The following OXSR1 variants were observed in gnomAD, a reference collection of about 807,000 sequenced individuals.
OXSR1 encodes the protein serine/threonine-protein kinase OSR1.
A neutral mutation model predicts 79.8 loss-of-function variants in OXSR1; 24 were observed. The observed-to-expected ratio is 0.30, with a 90% CI of 0.22 to 0.42. OXSR1 has a LOEUF of 0.42. Among genes scored for constraint, OXSR1 ranks in the 10% least tolerant of loss-of-function variants. OXSR1 has a pLI of 1.00. For missense variants in OXSR1, 430 were observed against 618.4 expected (o/e 0.70, Z 3.23); for synonymous variants, 226 against 209.2 (o/e 1.08, Z -0.69).
intron 8 of OXSR1, among the ~76,000 whole-genome samples, chr3:38,226,893 T>C (rs907643778): frequency 1.3e-5 from 2 of 151,864 alleles, no homozygotes; most frequent in Non-Finnish European, 2.9e-5. Flanking sequence ...ATGAAGTCTG[T>C]AGTTTAGTTA....
At chr3:38,197,582 T>A (rs1000950835) in intron 3 of OXSR1, among the ~76,000 whole-genome samples, 4 of 152,218 alleles carry the variant, frequency 2.6e-5, no homozygotes, top group African/African-American at 9.6e-5. Flanking sequence ...TCCAGAATAT[T>A]GTTGCCATCT....
intron 8 of OXSR1, 188 bp downstream of exon 8, chr3:38,224,892 AC>A (rs796396872): frequency 1.2e-4 from 44 of 363,468 alleles, no homozygotes; most frequent in African/African-American, 9.3e-4. Flanking sequence ...TATACAGTGT[AC>A]CCTAAATAGT....
chr3:38,215,109 T>A (rs1474242659), intron 4 of OXSR1, among the ~76,000 whole-genome samples: 1 of 152,202 alleles, frequency 6.6e-6, no homozygotes, highest in Admixed American at 6.5e-5. Context: ...AAAAATTGCA[T>A]TTGGCAAGGG....
chr3:38,198,365 T>G (rs577318189), intron 3 of OXSR1, among the ~76,000 whole-genome samples: 2 of 152,306 alleles, frequency 1.3e-5, no homozygotes, highest in East Asian at 3.9e-4. Flanking sequence ...GTGCATATTC[T>G]AATCTGATCT....
At chr3:38,182,673 GC>G (rs1289224203) in intron 1 of OXSR1, among the ~76,000 whole-genome samples, 4 of 152,130 alleles carry the variant, frequency 2.6e-5, no homozygotes, top group African/African-American at 7.2e-5. Flanking sequence ...ACCTTTCAGA[GC>G]CCTCTTATGA....
intron 5 of OXSR1, among the ~76,000 whole-genome samples, chr3:38,216,899 T>C (rs1175674739): frequency 6.6e-6 from 1 of 152,130 alleles, no homozygotes; most frequent in Non-Finnish European, 1.5e-5. Context: ...AGCTCTAATA[T>C]AAAGGGAAAG....
At chr3:38,210,930 C>T (rs1702373981) in intron 4 of OXSR1, among the ~76,000 whole-genome samples, 2 of 152,150 alleles carry the variant, frequency 1.3e-5, no homozygotes, top group Admixed American at 1.3e-4. Flanking sequence ...CTCTTGATGT[C>T]CTGTTTATTA....
Position 38,242,728 on chromosome 3 carries a change from T to A in OXSR1, c.1075-15T>A. ...AGTTGTGAGTTAACAATCATCCTTTTTGTATTTCGTTTAGTCTCCCCGAGT... is the reference window on the plus strand; with the variant it reads ...AGTTGTGAGTTAACAATCATCCTTTATGTATTTCGTTTAGTCTCCCCGAGT... On this transcript the variant is annotated splice_polypyrimidine_tract_variant and intron_variant, in intron 11 of 17. Coordinates refer to ENST00000311806, the MANE Select transcript of OXSR1 (RefSeq NM_005109.3). 1 of 1,530,646 alleles carries A rather than the reference T, an allele frequency of 6.5e-7. No homozygotes were observed. 94.8% of individuals were successfully genotyped at this position (1,530,646 alleles called of 1,614,324 possible). A position where few individuals can be genotyped will look rare whatever the true frequency, so the allele number is the denominator to read the frequency against.
chr3:38,195,891 C>A (rs72867234), intron 3 of OXSR1, among the ~76,000 whole-genome samples: 355 of 152,274 alleles, frequency 2.3e-3, no homozygotes, highest in African/African-American at 7.3e-3. Context: ...TGCTTTGTTA[C>A]AAAATTTGTA....
chr3:38,210,330 G>T (rs762842460), intron 4 of OXSR1, among the ~76,000 whole-genome samples: 1 of 152,100 alleles, frequency 6.6e-6, no homozygotes, highest in African/African-American at 2.4e-5. Context: ...TTCCCTTCCC[G>T]TAGATGGGTT....
At position 38,240,930 on chromosome 3, in the gene OXSR1, T is replaced by C. The variant is rs192286382; in HGVS notation, c.1075-1813T>C. On this transcript the variant is annotated intron_variant, in intron 11 of 17. Coordinates refer to ENST00000311806, the MANE Select transcript of OXSR1 (RefSeq NM_005109.3). ...GCTACCAAGTGCTGACCAGTAAATA[T>C]GGACGAGTGTTGGAGATGGAAAATC... is the stretch of plus-strand genomic sequence containing the variant. Among the ~76,000 whole-genome samples, 45 of 152,294 alleles carry C rather than the reference T, an allele frequency of 3.0e-4. 1 individual carries two copies. In the East Asian group the frequency reaches 8.3e-3, roughly 28 times the overall value.
chr3:38,197,037 C>T (rs1241984911), intron 3 of OXSR1, among the ~76,000 whole-genome samples: 1 of 152,166 alleles, frequency 6.6e-6, no homozygotes, highest in Admixed American at 6.5e-5. Flanking sequence ...CTTATGTGGC[C>T]TGGATTTCCT....
At chr3:38,201,877 A>T (rs933643135) in intron 4 of OXSR1, among the ~76,000 whole-genome samples, 1 of 152,186 alleles carries the variant, frequency 6.6e-6, no homozygotes, top group Non-Finnish European at 1.5e-5. Flanking sequence ...AAGAAAAAAA[A>T]ATTACTCTTT....
At chr3:38,217,460 A>G (rs969458013) in intron 5 of OXSR1, among the ~76,000 whole-genome samples, 6 of 152,160 alleles carry the variant, frequency 3.9e-5, no homozygotes, top group Admixed American at 6.5e-5. Context: ...AATAATCCCA[A>G]TGCCAGTAGA....
intron 10 of OXSR1, among the ~76,000 whole-genome samples, chr3:38,231,463 C>T (rs1383298564): frequency 1.3e-5 from 2 of 152,094 alleles, no homozygotes; most frequent in Non-Finnish European, 2.9e-5. Context: ...TGGCTCATTC[C>T]TTCACTTTAT....
chr3:38,223,921 T>C lies in OXSR1; in HGVS notation c.702+8T>C, dbSNP rs1299316516. Reference sequence around the variant, plus strand: ...AAATATCCACCAATGAAGGTGAGGCTTGTATTCCAAATACTACCCCAGCTC... The same window carrying C: ...AAATATCCACCAATGAAGGTGAGGCCTGTATTCCAAATACTACCCCAGCTC... On this transcript the variant is annotated splice_region_variant and intron_variant, in intron 7 of 17. Transcript: ENST00000311806. 3.2e-6 allele frequency: 5 copies of C among 1,551,980 alleles called. No homozygotes were observed. The highest frequency in any genetic ancestry group is 1.4e-5 in the African/African-American group (1 of 73,078).
chr3:38,242,847 G>A, intron 12 of OXSR1, 69 bp downstream of exon 12: 4 of 974,676 alleles, frequency 4.1e-6, no homozygotes, highest in Non-Finnish European at 6.4e-6. Context: ...AATTCGAAGT[G>A]CTTTTGTTTG....
chr3:38,166,123 G>A (rs1701448244), intron 1 of OXSR1, among the ~76,000 whole-genome samples, 177 bp downstream of exon 1: 1 of 151,674 alleles, frequency 6.6e-6, no homozygotes, highest in Non-Finnish European at 1.5e-5. Context: ...CGGGAAGGGG[G>A]TTTTGAGGCG....
intron 10 of OXSR1, among the ~76,000 whole-genome samples, chr3:38,233,810 G>T (rs927945962): frequency 6.6e-6 from 1 of 152,134 alleles, no homozygotes; most frequent in Non-Finnish European, 1.5e-5. Flanking sequence ...TGCTCAGGAG[G>T]CTGAGGCAGG....
Sources: gnomAD v4.1 joint callset for allele counts (sites outside exome capture counted in the v4.1 genomes callset) on GRCh38, gnomAD v4.1.1 for gene constraint, MANE v1.5 for transcripts, NCBI Gene and HGNC (gene_info 2026-07-23, HGNC 2026-07-21) for gene names.